Variants in PTPRD observed in about 807,000 individuals in gnomAD.
The protein encoded by PTPRD is receptor-type tyrosine-protein phosphatase delta.
PTPRD carries 34 observed loss-of-function variants against 214.5 expected under a neutral mutation model. The ratio of observed to expected loss-of-function variants is 0.16; its 90% CI spans 0.12 to 0.21. The LOEUF (loss-of-function observed/expected upper bound fraction) is 0.21, where lower values mean the gene tolerates loss of function less well. PTPRD is among the 10% of genes least tolerant of loss of function. The probability of loss-of-function intolerance (pLI) is 1.00; values close to 1 mark genes in which losing one functional copy is unlikely to be tolerated. For missense variants in PTPRD, 2,545 were observed against 2,398.7 expected (o/e 1.06, Z -1.27); for synonymous variants, 1,128 against 845.7 (o/e 1.33, Z -5.79).
At position 9,702,176 on chromosome 9, in the gene PTPRD, C is replaced by T. The variant is rs373658416; in HGVS notation, c.-287+32357G>A. ...AGAGGAAACTAAAGTATCATGATGA[C>T]GAGAAAGAAAAGGGCTAAGAACATT... On this transcript the variant is annotated intron_variant, in intron 7 of 45. Transcript: ENST00000381196. 2.4e-4 allele frequency among the ~76,000 whole-genome samples: 36 copies of T among 151,834 alleles called. No individual in the cohort carries two copies. In the South Asian group the frequency reaches 3.7e-3, roughly 16 times the overall value.
intron 6 of PTPRD, among the ~76,000 whole-genome samples, chr9:9,759,469 A>G (rs2098630412): frequency 6.6e-6 from 1 of 151,130 alleles, no homozygotes; most frequent in African/African-American, 2.4e-5. Flanking sequence ...CCAGTACCTT[A>G]TTAGTTTTAA....
At chr9:9,561,435 C>T (rs1177786890) in intron 8 of PTPRD, among the ~76,000 whole-genome samples, 1 of 152,192 alleles carries the variant, frequency 6.6e-6, no homozygotes, top group Admixed American at 6.5e-5. Flanking sequence ...ATATTTGACG[C>T]AGAATAAATC....
chr9:9,889,040 C>G (rs2072146119), intron 5 of PTPRD, among the ~76,000 whole-genome samples: 1 of 152,078 alleles, frequency 6.6e-6, no homozygotes, highest in African/African-American at 2.4e-5. Flanking sequence ...ACTGCATGAT[C>G]TCACTCATAT....
chr9:9,575,773 A>G (rs1476586339), intron 7 of PTPRD, among the ~76,000 whole-genome samples: 26 of 120,970 alleles, frequency 2.1e-4, no homozygotes, highest in African/African-American at 8.3e-4. Context: ...AAAAAAGAAA[A>G]AGAAAGAAAA....
chr9:9,821,246 T>C (rs939641311), intron 5 of PTPRD, among the ~76,000 whole-genome samples: 1 of 152,188 alleles, frequency 6.6e-6, no homozygotes, highest in Non-Finnish European at 1.5e-5. Context: ...ATGCTACCAA[T>C]TTTTGTAACA....
chr9:9,456,824 T>A (rs2093072737), intron 8 of PTPRD, among the ~76,000 whole-genome samples: 1 of 151,910 alleles, frequency 6.6e-6, no homozygotes, highest in African/African-American at 2.4e-5. Context: ...GGTTATAATT[T>A]TAACTCCTGA....
Position 8,396,737 on chromosome 9 carries a change from G to A in PTPRD, c.4211-7330C>T, listed in dbSNP as rs534666305. 3.9e-5 allele frequency among the ~76,000 whole-genome samples: 6 copies of A among 152,200 alleles called. No individual in the cohort carries two copies. In the East Asian group the frequency reaches 1.2e-3, roughly 29 times the overall value. On this transcript the variant is annotated intron_variant, in intron 36 of 45. Transcript: ENST00000381196. ...GAGCTAGGGAATAACAGATATAACA[G>A]CACTTGCTTGGCTACATGTAAGAGA...
intron 5 of PTPRD, among the ~76,000 whole-genome samples, chr9:9,802,492 T>C (rs1289863489): frequency 6.6e-6 from 1 of 151,744 alleles, no homozygotes; most frequent in African/African-American, 2.4e-5. Flanking sequence ...ATATGAAATA[T>C]CTTGTTGTTC....
At chr9:10,056,959 A>G (rs1163611285) in intron 3 of PTPRD, among the ~76,000 whole-genome samples, 3 of 152,312 alleles carry the variant, frequency 2.0e-5, no homozygotes, top group African/African-American at 7.2e-5. Context: ...TTATAAAAAT[A>G]GGTGAATTTG....
intron 14 of PTPRD, among the ~76,000 whole-genome samples, chr9:8,553,884 C>A (rs2082873162): frequency 6.6e-6 from 1 of 152,068 alleles, no homozygotes; most frequent in Admixed American, 6.6e-5. Context: ...TTACGAAATT[C>A]AGAGAGAAAA....
chr9:10,232,321 G>C lies in PTPRD; in HGVS notation c.-545+108642C>G, dbSNP rs570139997. On this transcript the variant is annotated intron_variant, in intron 3 of 45. Transcript: ENST00000381196. Reference sequence around the variant, plus strand: ...ATAACTGAAATGATCCACTAATCCAGAAATTATACTCTCCTCTAAAACATT... The same window carrying C: ...ATAACTGAAATGATCCACTAATCCACAAATTATACTCTCCTCTAAAACATT... Among the ~76,000 whole-genome samples, 7 of 151,942 alleles carry C rather than the reference G, an allele frequency of 4.6e-5. No homozygotes were observed. The East Asian group carries it at 1.4e-3, about 30-fold the overall frequency.
intron 7 of PTPRD, among the ~76,000 whole-genome samples, chr9:9,579,471 G>A (rs1391116847): frequency 4.6e-5 from 7 of 152,068 alleles, no homozygotes; most frequent in Non-Finnish European, 1.0e-4. Context: ...TACAGGATGT[G>A]TAGGCTTGTT....
chr9:8,587,344 T>A lies in PTPRD; in HGVS notation c.352+45973A>T, dbSNP rs529143533. ...ATTTAGATTTTATATTTTAATAATT[T>A]TGTTCACCTCTGTAACAGTACAAAA... On this transcript the variant is annotated intron_variant, in intron 14 of 45. Coordinates refer to ENST00000381196, the MANE Select transcript of PTPRD (RefSeq NM_002839.4). Among the ~76,000 whole-genome samples the A allele has an allele frequency of 5.3e-5, 8 of 152,336 alleles. No homozygotes were observed. In the South Asian group the frequency reaches 1.7e-3, roughly 32 times the overall value.
At chr9:9,365,479 T>C (rs904119969) in intron 9 of PTPRD, among the ~76,000 whole-genome samples, 6 of 151,550 alleles carry the variant, frequency 4.0e-5, no homozygotes, top group South Asian at 2.1e-4. Context: ...AATTCCCTAA[T>C]TGTGCTTTTC....
intron 3 of PTPRD, among the ~76,000 whole-genome samples, chr9:10,240,910 T>C (rs191882943): frequency 1.7e-3 from 255 of 151,790 alleles, no homozygotes; most frequent in Non-Finnish European, 3.1e-3. Flanking sequence ...CATTAAAAGA[T>C]ACATTACTTC....
chr9:8,507,547 T>TGTTTTCCACTAAGCTGGTAC, intron 21 of PTPRD, 113 bp from the exon 22 acceptor site: 1 of 1,311,962 alleles, frequency 7.6e-7, no homozygotes, highest in Non-Finnish European at 1.1e-6. Flanking sequence ...TGTACCAGCT[T>TGTTTTCCACTAAGCTGGTAC]AGTGGAAAAC....
intron 11 of PTPRD, among the ~76,000 whole-genome samples, chr9:8,853,349 G>C (rs981820651): frequency 2.6e-5 from 4 of 152,142 alleles, no homozygotes; most frequent in African/African-American, 9.7e-5. Context: ...GGAAGCACAA[G>C]TCACATATTC....
intron 7 of PTPRD, among the ~76,000 whole-genome samples, chr9:9,687,598 A>C (rs192566941): frequency 3.6e-4 from 55 of 151,916 alleles, no homozygotes; most frequent in Non-Finnish European, 2.8e-4. Context: ...CACATTGTGC[A>C]CATGTACCCT....
At chr9:9,905,593 T>C (rs1032052531) in intron 5 of PTPRD, among the ~76,000 whole-genome samples, 1 of 151,612 alleles carries the variant, frequency 6.6e-6, no homozygotes, top group African/African-American at 2.4e-5. Flanking sequence ...AAAAATAATA[T>C]ACTGGTCCCT....
Sources: gnomAD v4.1 joint callset for allele counts (sites outside exome capture counted in the v4.1 genomes callset) on GRCh38, gnomAD v4.1.1 for gene constraint, MANE v1.5 for transcripts, NCBI Gene and HGNC (gene_info 2026-07-23, HGNC 2026-07-21) for gene names.